Variants in TXNRD3 observed in about 807,000 individuals in gnomAD.
TXNRD3 encodes the protein TXNRD3 neighbor gene protein.
Under a neutral mutation model 78.2 loss-of-function variants are expected in TXNRD3, and 68 were observed. The observed-to-expected ratio is 0.87, with a 90% CI of 0.72 to 1.06. The LOEUF (loss-of-function observed/expected upper bound fraction) is 1.06. TXNRD3 is among the 50% of genes least tolerant of loss of function. The probability of loss-of-function intolerance (pLI) is 0.00; values close to 1 mark genes in which losing one functional copy is unlikely to be tolerated. For synonymous variants in TXNRD3, 296 were observed against 300.1 expected (o/e 0.99, Z 0.14); for missense variants, 751 against 809.5 (o/e 0.93, Z 0.88).
intron 1 of TXNRD3, among the ~76,000 whole-genome samples, chr3:126,652,631 A>C (rs1933416846): frequency 6.6e-6 from 1 of 152,202 alleles, no homozygotes; most frequent in South Asian, 2.1e-4. Flanking sequence ...AAAGATGTCC[A>C]TGTTAGGCTA....
chr3:126,620,626 A>G (rs913580593), intron 12 of TXNRD3, among the ~76,000 whole-genome samples: 3 of 152,184 alleles, frequency 2.0e-5, no homozygotes, highest in Non-Finnish European at 4.4e-5. Context: ...AATATGGGCG[A>G]TTGTTTTACT....
intron 6 of TXNRD3, among the ~76,000 whole-genome samples, chr3:126,634,916 C>A (rs1054495424): frequency 7.9e-5 from 12 of 152,198 alleles, no homozygotes; most frequent in African/African-American, 2.9e-4. Flanking sequence ...AGGGAGTCGA[C>A]TGGAGGGGAC....
At chr3:126,630,070 T>C (rs565218905) in intron 9 of TXNRD3, among the ~76,000 whole-genome samples, 41 of 152,290 alleles carry the variant, frequency 2.7e-4, no homozygotes, top group Non-Finnish European at 4.9e-4. Context: ...GTCTGTAGGT[T>C]GAGTAGCTGT....
chr3:126,629,606 T>C (rs2107618268), intron 9 of TXNRD3, 135 bp from the exon 10 acceptor site: 1 of 604,874 alleles, frequency 1.7e-6, no homozygotes, highest in East Asian at 3.0e-5. Flanking sequence ...AGTATAAGGT[T>C]TCTGGATAAG....
At chr3:126,649,493 T>A (rs1933322623) in intron 1 of TXNRD3, among the ~76,000 whole-genome samples, 1 of 152,228 alleles carries the variant, frequency 6.6e-6, no homozygotes, top group Non-Finnish European at 1.5e-5. Flanking sequence ...CATTTCTAGG[T>A]ATGTACCAAA....
intron 13 of TXNRD3, 96 bp downstream of exon 13, chr3:126,615,259 T>C (rs1184192469): frequency 1.8e-6 from 1 of 556,046 alleles, no homozygotes; most frequent in African/African-American, 1.9e-5. Context: ...ATAACCATCA[T>C]AGTAACTTGC....
chr3:126,637,924 TTCTC>T (rs1303475079), intron 6 of TXNRD3, among the ~76,000 whole-genome samples: 2 of 140,936 alleles, frequency 1.4e-5, no homozygotes, highest in Admixed American at 7.6e-5. Context: ...TAACCTATAT[TTCTC>T]TCTCTTTTTT....
intron 13 of TXNRD3, among the ~76,000 whole-genome samples, chr3:126,613,148 C>A (rs1576279940): frequency 6.6e-6 from 1 of 152,182 alleles, no homozygotes; most frequent in East Asian, 1.9e-4. Context: ...TCTGACCCCA[C>A]CCATTTCAAT....
intron 2 of TXNRD3, among the ~76,000 whole-genome samples, chr3:126,646,985 T>C (rs1026644197): frequency 3.9e-5 from 6 of 152,196 alleles, no homozygotes; most frequent in African/African-American, 1.4e-4. Flanking sequence ...ATGCCTTAAG[T>C]ACTTCAAAGG....
intron 10 of TXNRD3, 69 bp downstream of exon 10, chr3:126,629,310 C>A: frequency 4.6e-6 from 5 of 1,090,474 alleles, no homozygotes; most frequent in Non-Finnish European, 5.1e-6. Flanking sequence ...TATAATTTTC[C>A]CATAAGTTTC....
chr3:126,636,983 A>G (rs1016278619), intron 6 of TXNRD3, among the ~76,000 whole-genome samples: 1 of 151,630 alleles, frequency 6.6e-6, no homozygotes, highest in African/African-American at 2.4e-5. Context: ...GTGGCCCAAG[A>G]CAATTCTTCT....
Position 126,630,793 on chromosome 3 carries a change from G to T in TXNRD3, c.1116C>A (p.Phe372Leu). The T allele has an allele frequency of 6.5e-7, 1 of 1,535,018 alleles. No individual in the cohort carries two copies. Among genetic ancestry groups the T allele is most frequent in the Non-Finnish European group, 8.7e-7 (1 of 1,146,844 alleles). Residue 372 changes from phenylalanine (F) to leucine (L), a missense_variant, in exon 9 of 16, where the codon TTC becomes TTA. Phe to Leu is a conservative substitution (Grantham distance 22, BLOSUM62 0). Coordinates refer to ENST00000524230, the MANE Select transcript of TXNRD3 (RefSeq NM_052883.3). ...CCACTTTTTCTGCCATTTCTTGGTC[G>T]AAGCCACGGAGAAGGATTGAGCGTA...
chr3:126,624,883 T>G (rs1576286122), intron 10 of TXNRD3: 1 of 214,106 alleles, frequency 4.7e-6, no homozygotes, highest in Non-Finnish European at 1.0e-5. Flanking sequence ...GGCTGTGGAG[T>G]GCTTAGTCTT....
chr3:126,608,572 G>A lies in TXNRD3; in HGVS notation c.1790C>T (p.Ala597Val), dbSNP rs1387079839. 6.5e-7 allele frequency: 1 copy of A among 1,535,924 alleles called. No homozygotes were observed. The change falls in exon 15 of 16, where the codon GCA becomes GTA. Residue 597 changes from alanine (A) to valine (V), a missense_variant. Transcript: ENST00000524230. ...TGTGAGCCCACATTTCATTGCAGCTGCAAATCCTTGGGTAACCTCACCGGC... is the reference window on the plus strand; with the variant it reads ...TGTGAGCCCACATTTCATTGCAGCTACAAATCCTTGGGTAACCTCACCGGC...
Position 126,655,026 on chromosome 3 carries a change from TC to T in TXNRD3, c.-37del. On this transcript the variant is annotated 5_prime_UTR_variant, in exon 1 of 16. Coordinates refer to ENST00000524230, the MANE Select transcript of TXNRD3 (RefSeq NM_052883.3). Reference sequence around the variant, plus strand: ...TCGCTCCTGGCCCGGCCGGGCCTGCTCACAAACCGAAACGCAGGCGGCTGCG... The same window carrying T: ...TCGCTCCTGGCCCGGCCGGGCCTGCTACAAACCGAAACGCAGGCGGCTGCG... 1 of 1,292,532 alleles carries T rather than the reference TC, an allele frequency of 7.7e-7. No individual in the cohort carries two copies. The highest frequency in any genetic ancestry group is 9.8e-7 in the Non-Finnish European group (1 of 1,021,764). The allele number at this position is 1,292,532 out of a possible 1,614,324, so 80.1% of individuals were successfully genotyped here.
At chr3:126,637,924 T>TTC (rs1303475079) in intron 6 of TXNRD3, among the ~76,000 whole-genome samples, 1,437 of 140,730 alleles carry the variant, frequency 0.01, 41 homozygotes, top group East Asian at 0.032. Context: ...TAACCTATAT[T>TTC]TCTCTCTCTT....
Position 126,635,677 on chromosome 3 carries a change from C to T in TXNRD3, c.713-1626G>A, listed in dbSNP as rs1212557972. Reference sequence around the variant, plus strand: ...TTACAAACCATTTTTGAGATACTGTCTTCACAATATTGAGACATCCTCTAT... The same window carrying T: ...TTACAAACCATTTTTGAGATACTGTTTTCACAATATTGAGACATCCTCTAT... On this transcript the variant is annotated intron_variant, in intron 6 of 15. Transcript: ENST00000524230. Among the ~76,000 whole-genome samples the T allele has an allele frequency of 2.6e-5, 4 of 152,266 alleles. No individual in the cohort carries two copies. In the East Asian group the frequency reaches 5.8e-4, roughly 22 times the overall value.
intron 1 of TXNRD3, among the ~76,000 whole-genome samples, chr3:126,651,484 A>C (rs1175300874): frequency 6.6e-6 from 1 of 152,248 alleles, no homozygotes; most frequent in Non-Finnish European, 1.5e-5. Flanking sequence ...ATTTGTCCTA[A>C]GATTTTTCTG....
chr3:126,620,450 G>A (rs77078800), intron 12 of TXNRD3, among the ~76,000 whole-genome samples: 30 of 152,280 alleles, frequency 2.0e-4, no homozygotes, highest in African/African-American at 6.7e-4. Context: ...ATATACTGAA[G>A]TAGTTAGAGA....
Sources: gnomAD v4.1 joint callset for allele counts (sites outside exome capture counted in the v4.1 genomes callset) on GRCh38, gnomAD v4.1.1 for gene constraint, MANE v1.5 for transcripts, NCBI Gene and HGNC (gene_info 2026-07-23, HGNC 2026-07-21) for gene names.